The following VWA2 variants were observed in gnomAD, a reference collection of about 807,000 sequenced individuals.
VWA2 encodes the protein von Willebrand factor A domain-containing protein 2.
Under a neutral mutation model 70.4 loss-of-function variants are expected in VWA2, and 73 were observed. That is an observed-to-expected ratio of 1.04 (90% confidence interval 0.86 to 1.26). The LOEUF (loss-of-function observed/expected upper bound fraction) is 1.26, where lower values mean the gene tolerates loss of function less well. Among genes scored for constraint, VWA2 ranks in the 50% most tolerant of loss-of-function variants. The pLI is 0.00. For missense variants in VWA2, 1,011 were observed against 998.5 expected (o/e 1.01, Z -0.17); for synonymous variants, 407 against 423.3 (o/e 0.96, Z 0.47).
rs376160370 is a variant in VWA2, at chr10:114,289,299, C to A, written c.1932C>A (p.Gly644=). The change falls in exon 12 of 14, where the codon GGC becomes GGA. Residue 644 remains glycine, a synonymous_variant. Coordinates refer to ENST00000392982, the MANE Select transcript of VWA2 (RefSeq NM_001272046.2). ...TGGTGGTGCTCACAGGCGGGAGAGG[C>A]GCAGAGGATGCAGCCGTTCCTGCCC... The part of the protein sequence containing the change: ...KAVVVLTGGR[G]AEDAAVPAQK... 1.2e-6 allele frequency: 2 copies of A among 1,613,828 alleles called. No individual in the cohort carries two copies. Among genetic ancestry groups the A allele is most frequent in the Non-Finnish European group, 1.7e-6 (2 of 1,180,006 alleles).
Position 114,248,739 on chromosome 10 carries a change from C to T in VWA2, c.26C>T (p.Ala9Val). The stretch of plus-strand genomic sequence containing the variant: ...ATGCCCCCTTTCCTGTTGCTGGAAG[C>T]CGTCTGTGTTTTCCTGTTTTCCAGA... MPPFLLLE[A>V]VCVFLFSRVP... Residue 9 changes from alanine to valine, a missense_variant, in exon 2 of 14, where the codon GCC becomes GTC. Transcript: ENST00000392982. 2 of 1,613,586 alleles carry T rather than the reference C, an allele frequency of 1.2e-6. No individual in the cohort carries two copies. The highest frequency in any genetic ancestry group is 8.5e-7 in the Non-Finnish European group (1 of 1,179,626).
intron 1 of VWA2, among the ~76,000 whole-genome samples, chr10:114,248,455 G>T (rs2037121611): frequency 6.6e-6 from 1 of 152,208 alleles, no homozygotes; most frequent in Non-Finnish European, 1.5e-5. Flanking sequence ...GAGGGCTGGG[G>T]TGCATTTGGG....
chr10:114,267,436 A>C (rs1362851695), intron 5 of VWA2, among the ~76,000 whole-genome samples: 1 of 138,628 alleles, frequency 7.2e-6, no homozygotes, highest in Non-Finnish European at 1.6e-5. Context: ...ATGAATTATT[A>C]TTATTGTTAT....
intron 1 of VWA2, chr10:114,246,815 A>G (rs2037082705): frequency 4.3e-6 from 4 of 939,158 alleles, no homozygotes; most frequent in African/African-American, 1.6e-5. Context: ...GCTGCCCTCA[A>G]TCTAGAGCGC....
intron 6 of VWA2, among the ~76,000 whole-genome samples, chr10:114,275,876 C>T (rs372024677): frequency 4.6e-5 from 7 of 152,166 alleles, no homozygotes; most frequent in Non-Finnish European, 8.8e-5. Context: ...TACAGTGAGC[C>T]GAGATTACGC....
At chr10:114,278,605 T>C (rs1383852977) in intron 7 of VWA2, 114 bp from the exon 8 acceptor site, 5 of 1,494,756 alleles carry the variant, frequency 3.3e-6, no homozygotes, top group Non-Finnish European at 4.5e-6. Flanking sequence ...GTGGCCAGCC[T>C]GGAAGTGTGG....
chr10:114,275,652 G>T (rs1201584529), intron 6 of VWA2, among the ~76,000 whole-genome samples: 1 of 152,208 alleles, frequency 6.6e-6, no homozygotes, highest in African/African-American at 2.4e-5. Context: ...ATGAGGCCGG[G>T]CATGGTGGCT....
chr10:114,270,200 G>A (rs926872034), intron 5 of VWA2, among the ~76,000 whole-genome samples: 1 of 152,170 alleles, frequency 6.6e-6, no homozygotes, highest in Non-Finnish European at 1.5e-5. Context: ...CCACTAGCCA[G>A]ATGAGAGTCA....
intron 5 of VWA2, among the ~76,000 whole-genome samples, chr10:114,268,946 C>CCTTCCAAAGTGCTG (rs1564723566): frequency 2.0e-5 from 3 of 151,832 alleles, no homozygotes; most frequent in Non-Finnish European, 4.4e-5. Context: ...ACGCCCGCCT[C>CCTTCCAAAGTGCTG]GGCCTTCCAA....
At chr10:114,242,220 G>A (rs923691182) in intron 1 of VWA2, among the ~76,000 whole-genome samples, 1 of 152,046 alleles carries the variant, frequency 6.6e-6, no homozygotes, top group Non-Finnish European at 1.5e-5. Context: ...CCCTTGCCCC[G>A]GGAGCCTTTG....
intron 4 of VWA2, among the ~76,000 whole-genome samples, chr10:114,255,325 T>C (rs534158906): frequency 6.6e-6 from 1 of 152,192 alleles, no homozygotes; most frequent in East Asian, 1.9e-4. Context: ...CCTGCATTGT[T>C]CCTCAAGCTA....
At chr10:114,274,040 G>A (rs2037768009) in intron 6 of VWA2, among the ~76,000 whole-genome samples, 1 of 152,190 alleles carries the variant, frequency 6.6e-6, no homozygotes, top group South Asian at 2.1e-4. Flanking sequence ...CCAAATATCA[G>A]GGGAAGGCAG....
At chr10:114,275,495 G>A (rs1418645432) in intron 6 of VWA2, among the ~76,000 whole-genome samples, 1 of 152,214 alleles carries the variant, frequency 6.6e-6, no homozygotes, top group Non-Finnish European at 1.5e-5. Flanking sequence ...CCCACCACAC[G>A]GTGGGAATCC....
intron 1 of VWA2, among the ~76,000 whole-genome samples, chr10:114,244,902 G>A (rs1434478775): frequency 6.6e-6 from 1 of 152,226 alleles, no homozygotes; most frequent in African/African-American, 2.4e-5. Context: ...TGTTTATCTA[G>A]CAAGCAAGGA....
chr10:114,272,487 C>T (rs566426715), intron 5 of VWA2, among the ~76,000 whole-genome samples: 1 of 152,290 alleles, frequency 6.6e-6, no homozygotes, highest in East Asian at 1.9e-4. Flanking sequence ...AGGAGAAAAA[C>T]ACACCCAACA....
intron 4 of VWA2, among the ~76,000 whole-genome samples, chr10:114,257,385 C>CT (rs1186659600): frequency 5.9e-5 from 9 of 152,346 alleles, no homozygotes; most frequent in African/African-American, 1.9e-4. Context: ...AGATTAAACA[C>CT]TGTTGACCTT....
At chr10:114,268,292 A>G (rs1006354503) in intron 5 of VWA2, among the ~76,000 whole-genome samples, 4 of 128,228 alleles carry the variant, frequency 3.1e-5, no homozygotes, top group African/African-American at 1.2e-4. Context: ...CCAAGACAGT[A>G]GCTGATCTGT....
intron 1 of VWA2, among the ~76,000 whole-genome samples, chr10:114,244,165 T>C (rs1293308501): frequency 1.3e-5 from 2 of 151,948 alleles, no homozygotes; most frequent in South Asian, 2.1e-4. Context: ...CCGGATGGAG[T>C]GTGAGAGCTG....
chr10:114,242,215 G>T (rs946373728), intron 1 of VWA2, among the ~76,000 whole-genome samples: 7 of 152,092 alleles, frequency 4.6e-5, no homozygotes, highest in African/African-American at 1.4e-4. Context: ...CTTTGCCCTT[G>T]CCCCGGGAGC....
Sources: allele counts gnomAD v4.1 joint callset (sites outside exome capture counted in the v4.1 genomes callset), GRCh38; gene constraint gnomAD v4.1.1; transcripts MANE v1.5; gene names NCBI Gene and HGNC (gene_info 2026-07-23, HGNC 2026-07-21).